Variants in MCOLN2 observed in about 807,000 individuals in gnomAD.
MCOLN2 encodes the protein mucolipin-2.
In MCOLN2, 57 loss-of-function variants were observed where a neutral mutation model predicts 67.5. The ratio of observed to expected loss-of-function variants is 0.84; its 90% confidence interval spans 0.68 to 1.05. MCOLN2 has a LOEUF of 1.05. Ranked by LOEUF, MCOLN2 falls within the 50% of genes least tolerant of loss-of-function variation. The pLI, the probability that MCOLN2 is intolerant of heterozygous loss-of-function variation, is 0.00. For missense variants in MCOLN2, 620 were observed against 678.8 expected (o/e 0.91, Z 0.96); for synonymous variants, 246 against 233.3 (o/e 1.05, Z -0.50).
At chr1:84,950,242 G>T (rs571346735) in intron 6 of MCOLN2, among the ~76,000 whole-genome samples, 1 of 152,198 alleles carries the variant, frequency 6.6e-6, no homozygotes, top group Non-Finnish European at 1.5e-5. Flanking sequence ...AAACAAATAT[G>T]ATTGAAAGGG....
intron 1 of MCOLN2, 66 bp from the exon 2 acceptor site, chr1:84,965,774 T>G: frequency 6.7e-7 from 1 of 1,502,572 alleles, no homozygotes; most frequent in South Asian, 1.2e-5. Context: ...TGAAGTAACT[T>G]GCTTTCCCTA....
At chr1:84,948,779 G>A (rs1222824667) in intron 6 of MCOLN2, among the ~76,000 whole-genome samples, 7 of 152,340 alleles carry the variant, frequency 4.6e-5, no homozygotes, top group African/African-American at 1.7e-4. Context: ...ATTATTCAAT[G>A]AGTGAAATTA....
intron 1 of MCOLN2, among the ~76,000 whole-genome samples, chr1:84,980,481 C>G (rs975156079): frequency 6.6e-6 from 1 of 151,988 alleles, no homozygotes; most frequent in South Asian, 2.1e-4. Context: ...AACAGATACA[C>G]AGACCAATGG....
At chr1:84,952,361 G>A in intron 5 of MCOLN2, 22 bp from the exon 6 acceptor site, 1 of 1,591,782 alleles carries the variant, frequency 6.3e-7, no homozygotes, top group Admixed American at 1.7e-5. Flanking sequence ...ATATTGAAAG[G>A]TATAAATTGT....
At chr1:84,972,796 A>C (rs190087269) in intron 1 of MCOLN2, among the ~76,000 whole-genome samples, 1 of 152,382 alleles carries the variant, frequency 6.6e-6, no homozygotes, top group East Asian at 1.9e-4. Flanking sequence ...ACAAGATGTC[A>C]GTGATTCTTA....
chr1:84,930,229 C>T (rs1661343784), intron 12 of MCOLN2, among the ~76,000 whole-genome samples: 1 of 151,746 alleles, frequency 6.6e-6, no homozygotes, highest in African/African-American at 2.4e-5. Context: ...TACCACTGTC[C>T]TCCAGCCTGG....
chr1:84,943,426 T>G (rs1250856457), intron 7 of MCOLN2, among the ~76,000 whole-genome samples: 1 of 151,566 alleles, frequency 6.6e-6, no homozygotes, highest in East Asian at 1.9e-4. Flanking sequence ...GAGCAATGTT[T>G]GAGAATTAGA....
chr1:84,973,599 C>T (rs904353418), intron 1 of MCOLN2, among the ~76,000 whole-genome samples: 1 of 152,116 alleles, frequency 6.6e-6, no homozygotes, highest in Admixed American at 6.6e-5. Flanking sequence ...CATTGATTTT[C>T]AGCATATTCC....
intron 1 of MCOLN2, among the ~76,000 whole-genome samples, chr1:84,982,074 G>GTTT (rs11461473): frequency 6.8e-5 from 8 of 118,050 alleles, no homozygotes; most frequent in African/African-American, 2.2e-4. Context: ...TTAGCCATGG[G>GTTT]TTTTTTTTTT....
At chr1:84,984,386 G>T (rs11161498) in intron 1 of MCOLN2, among the ~76,000 whole-genome samples, 66,327 of 151,942 alleles carry the variant, frequency 0.44, 15,221 homozygotes, top group East Asian at 0.63. Flanking sequence ...TCCACAGAGA[G>T]ACATCAATGC....
At chr1:84,949,482 CA>C (rs369005986) in intron 6 of MCOLN2, among the ~76,000 whole-genome samples, 6,425 of 150,696 alleles carry the variant, frequency 0.043, 472 homozygotes, top group African/African-American at 0.15. Context: ...ACTAAAAATA[CA>C]AAAAAAAATT....
At position 84,931,365 on chromosome 1, in the gene MCOLN2, A is replaced by T; in HGVS notation, c.1539T>A (p.Ile513=). 6.6e-7 allele frequency: 1 copy of T among 1,526,546 alleles called. No individual in the cohort carries two copies. The highest frequency in any genetic ancestry group is 9.1e-7 in the Non-Finnish European group (1 of 1,101,894). 94.6% of individuals were successfully genotyped at this position (1,526,546 alleles called of 1,614,324 possible). A position where few individuals can be genotyped will look rare whatever the true frequency, so the allele number is the denominator to read the frequency against. The change falls in exon 12 of 14, where the codon ATT becomes ATA. Residue 513 remains isoleucine (I), a synonymous_variant. Coordinates refer to ENST00000370608, the MANE Select transcript of MCOLN2 (RefSeq NM_153259.4). ...IALITDSYDT[I]KKFQQNGFPE... is the part of the protein sequence containing the mutation. ...GCAAATTTTGATAATTACTTACCTT[A>T]ATGGTGTCATAAGAATCTGTAATAA...
chr1:84,956,133 G>A (rs1488467474), intron 4 of MCOLN2, among the ~76,000 whole-genome samples: 5 of 149,982 alleles, frequency 3.3e-5, no homozygotes, highest in Admixed American at 6.6e-5. Context: ...TTTTCAGAAA[G>A]CCTAATCACC....
intron 4 of MCOLN2, 141 bp downstream of exon 4, chr1:84,956,290 G>A: frequency 1.4e-6 from 1 of 721,656 alleles, no homozygotes; most frequent in Non-Finnish European, 2.3e-6. Context: ...CCCCTCTGCA[G>A]GCCAGTGTTG....
intron 2 of MCOLN2, among the ~76,000 whole-genome samples, chr1:84,959,029 T>G (rs994091036): frequency 6.6e-6 from 1 of 152,228 alleles, no homozygotes; most frequent in Non-Finnish European, 1.5e-5. Context: ...TTCAAGTTAA[T>G]TGTTTTCAAA....
chr1:84,978,329 C>A (rs906622596), intron 1 of MCOLN2, among the ~76,000 whole-genome samples: 1 of 151,446 alleles, frequency 6.6e-6, no homozygotes, highest in East Asian at 1.9e-4. Context: ...TCTTATAGAA[C>A]TAGAAAAGCA....
At chr1:84,970,171 C>T (rs1223334133) in intron 1 of MCOLN2, among the ~76,000 whole-genome samples, 1 of 152,062 alleles carries the variant, frequency 6.6e-6, no homozygotes, top group Non-Finnish European at 1.5e-5. Flanking sequence ...TCAAAATATG[C>T]TTTTTCATTT....
intron 1 of MCOLN2, among the ~76,000 whole-genome samples, chr1:84,983,358 A>G (rs930091752): frequency 6.6e-6 from 1 of 152,024 alleles, no homozygotes; most frequent in African/African-American, 2.4e-5. Context: ...CAGCCTTAAC[A>G]TCCTGAGCTC....
At position 84,964,148 on chromosome 1, in the gene MCOLN2, A is replaced by C. The variant is rs529880196; in HGVS notation, c.237+1401T>G. Among the ~76,000 whole-genome samples the C allele has an allele frequency of 9.2e-5, 14 of 152,368 alleles. No homozygotes were observed. In the South Asian group the frequency reaches 2.9e-3, roughly 32 times the overall value. On this transcript the variant is annotated intron_variant, in intron 2 of 13. Coordinates refer to ENST00000370608, the MANE Select transcript of MCOLN2 (RefSeq NM_153259.4). ...CATACACATTTAACAATGTCTCTGC[A>C]TCTCAACCTTGTTGTTTCTTTTGAA... is the stretch of plus-strand genomic sequence containing the variant.
Sources: allele counts gnomAD v4.1 joint callset (sites outside exome capture counted in the v4.1 genomes callset), GRCh38; gene constraint gnomAD v4.1.1; transcripts MANE v1.5; gene names NCBI Gene and HGNC (gene_info 2026-07-23, HGNC 2026-07-21).